KCNMB2: variants seen among roughly 807,000 people sequenced by gnomAD.
KCNMB2 encodes potassium calcium-activated channel subfamily M regulatory beta subunit 2.
In KCNMB2, 9 loss-of-function variants were observed where a neutral mutation model predicts 24.5. The observed-to-expected ratio is 0.37, with a 90% CI of 0.22 to 0.64. KCNMB2 has a LOEUF of 0.64. KCNMB2 is among the 30% of genes least tolerant of loss of function. The probability of loss-of-function intolerance (pLI) is 0.63; values close to 1 mark genes in which losing one functional copy is unlikely to be tolerated. For missense variants in KCNMB2, 226 were observed against 284.3 expected (o/e 0.79, Z 1.47); for synonymous variants, 109 against 104.4 (o/e 1.04, Z -0.27).
intron 1 of KCNMB2, among the ~76,000 whole-genome samples, chr3:178,721,156 G>T (rs1031634934): frequency 6.6e-6 from 1 of 152,146 alleles, no homozygotes; most frequent in African/African-American, 2.4e-5. Context: ...TTTGTATAAG[G>T]TGTAAGGAAG....
intron 2 of KCNMB2, among the ~76,000 whole-genome samples, chr3:178,812,937 A>G (rs141193638): frequency 6.6e-6 from 1 of 152,280 alleles, no homozygotes; most frequent in East Asian, 1.9e-4. Flanking sequence ...ATTCTTAGCC[A>G]CTTGCACTTC....
intron 1 of KCNMB2, among the ~76,000 whole-genome samples, chr3:178,571,202 G>A (rs1485158425): frequency 1.1e-4 from 16 of 151,556 alleles, no homozygotes; most frequent in African/African-American, 3.9e-4. Context: ...GTGTAGCAGA[G>A]TCTTTTGTGA....
intron 1 of KCNMB2, among the ~76,000 whole-genome samples, chr3:178,806,692 A>T (rs1464559357): frequency 6.7e-6 from 1 of 149,056 alleles, no homozygotes; most frequent in Non-Finnish European, 1.5e-5. Flanking sequence ...TCATAATAAT[A>T]ATAATAATAA....
chr3:178,660,406 G>A (rs922527837), intron 1 of KCNMB2, among the ~76,000 whole-genome samples: 1 of 152,084 alleles, frequency 6.6e-6, no homozygotes, highest in African/African-American at 2.4e-5. Flanking sequence ...CTGCCATGAA[G>A]CCCAACCCAC....
chr3:178,805,874 G>A (rs1004517780), intron 1 of KCNMB2, among the ~76,000 whole-genome samples: 2 of 152,040 alleles, frequency 1.3e-5, no homozygotes, highest in Admixed American at 6.5e-5. Flanking sequence ...CTGGACTCAA[G>A]CGATCCTCCC....
In KCNMB2 at chr3:178,758,615, GAT is replaced by G. The variant is rs1182304174; in HGVS notation, c.-67-48713_-67-48712del. 1.2e-3 allele frequency among the ~76,000 whole-genome samples: 42 copies of G among 34,204 alleles called. 4 individuals carry two copies. The highest frequency in any genetic ancestry group is 2.6e-3 in the African/African-American group (24 of 9,372). 22.4% of individuals were successfully genotyped at this position (34,204 alleles called of 152,430 possible). A position where few individuals can be genotyped will look rare whatever the true frequency, so the allele number is the denominator to read the frequency against. On this transcript the variant is annotated intron_variant, in intron 1 of 4. Coordinates refer to ENST00000452583, the MANE Select transcript of KCNMB2 (RefSeq NM_181361.3). ...GAGGAGATATATATATCTCCAAGAGGATATATATATATATATCTCTCTCTCCA... is the reference window on the plus strand; with the variant it reads ...GAGGAGATATATATATCTCCAAGAGGATATATATATATATCTCTCTCTCCA...
rs2108481966 is a variant in KCNMB2, at chr3:178,843,641, G to A, written c.*704G>A. On this transcript the variant is annotated 3_prime_UTR_variant, in exon 5 of 5. Transcript: ENST00000452583. ...TTAAGACCCTGCTACTGTGTGAAGA[G>A]ATGATACTTACAAGGAGTGTCATTA... is the stretch of plus-strand genomic sequence containing the variant. 6.4e-6 allele frequency: 1 copy of A among 155,782 alleles called. No individual in the cohort carries two copies. The highest frequency in any genetic ancestry group is 2.4e-5 in the African/African-American group (1 of 41,596). The allele number at this position is 155,782 out of a possible 1,614,324, so 9.6% of individuals were successfully genotyped here. A position where few individuals can be genotyped will look rare whatever the true frequency, so the allele number is the denominator to read the frequency against.
intron 1 of KCNMB2, among the ~76,000 whole-genome samples, chr3:178,733,053 T>C (rs1286152152): frequency 6.6e-6 from 1 of 152,242 alleles, no homozygotes; most frequent in Non-Finnish European, 1.5e-5. Context: ...TCTACTCTTG[T>C]GTATCTTTGA....
intron 1 of KCNMB2, among the ~76,000 whole-genome samples, chr3:178,744,322 A>C (rs1445306058): frequency 6.6e-6 from 1 of 152,254 alleles, no homozygotes; most frequent in Admixed American, 6.5e-5. Flanking sequence ...TAACTATTGT[A>C]CAATTCCTTC....
intron 1 of KCNMB2, among the ~76,000 whole-genome samples, chr3:178,564,970 G>A (rs1188221935): frequency 6.6e-6 from 1 of 151,782 alleles, no homozygotes; most frequent in Non-Finnish European, 1.5e-5. Context: ...TACTTTGAAG[G>A]TAATAAAAAT....
At chr3:178,744,650 G>C (rs1370250507) in intron 1 of KCNMB2, among the ~76,000 whole-genome samples, 1 of 151,966 alleles carries the variant, frequency 6.6e-6, no homozygotes, top group African/African-American at 2.4e-5. Context: ...TGGAACAGAG[G>C]CTCACTGGAG....
chr3:178,550,139 A>G (rs1715900344), intron 1 of KCNMB2, among the ~76,000 whole-genome samples: 2 of 152,054 alleles, frequency 1.3e-5, no homozygotes, highest in South Asian at 4.1e-4. Flanking sequence ...TCTTTGTCTA[A>G]TATTTCCTTT....
intron 1 of KCNMB2, among the ~76,000 whole-genome samples, chr3:178,750,506 A>T (rs2108388154): frequency 6.6e-6 from 1 of 152,356 alleles, no homozygotes; most frequent in Non-Finnish European, 1.5e-5. Context: ...GGCAGAATCC[A>T]ACAGATCTGA....
At chr3:178,785,462 A>G (rs1179730588) in intron 1 of KCNMB2, among the ~76,000 whole-genome samples, 1 of 152,056 alleles carries the variant, frequency 6.6e-6, no homozygotes, top group Non-Finnish European at 1.5e-5. Context: ...TACAAACATA[A>G]TATTTCAAAT....
At chr3:178,795,434 AGATTATCCAG>A (rs1171490147) in intron 1 of KCNMB2, among the ~76,000 whole-genome samples, 1 of 152,214 alleles carries the variant, frequency 6.6e-6, no homozygotes, top group African/African-American at 2.4e-5. Context: ...CACACATAGG[AGATTATCCAG>A]GATTATCTGG....
chr3:178,685,549 C>T (rs1721436492), intron 1 of KCNMB2, among the ~76,000 whole-genome samples: 1 of 152,226 alleles, frequency 6.6e-6, no homozygotes, highest in Non-Finnish European at 1.5e-5. Flanking sequence ...TCAGCCACAT[C>T]AACAGTGGTT....
intron 1 of KCNMB2, among the ~76,000 whole-genome samples, chr3:178,603,391 C>A (rs1718161615): frequency 6.6e-6 from 1 of 151,482 alleles, no homozygotes; most frequent in Admixed American, 6.6e-5. Context: ...GTAGAAATAG[C>A]CCAGAGAGAA....
At chr3:178,553,444 G>T (rs1222180139) in intron 1 of KCNMB2, among the ~76,000 whole-genome samples, 6 of 152,074 alleles carry the variant, frequency 3.9e-5, no homozygotes, top group Admixed American at 3.3e-4. Flanking sequence ...TGCAAGAAAT[G>T]ATGGGAATTG....
intron 1 of KCNMB2, among the ~76,000 whole-genome samples, chr3:178,682,987 T>A (rs1273544330): frequency 2.0e-5 from 3 of 152,100 alleles, no homozygotes; most frequent in Admixed American, 1.3e-4. Flanking sequence ...GATCTCATTA[T>A]CAGGTATGTA....
Sources: allele counts gnomAD v4.1 joint callset (sites outside exome capture counted in the v4.1 genomes callset), GRCh38; gene constraint gnomAD v4.1.1; transcripts MANE v1.5; gene names NCBI Gene and HGNC (gene_info 2026-07-23, HGNC 2026-07-21).